The following FBXL13 variants were observed in gnomAD, a reference collection of about 807,000 sequenced individuals.
FBXL13 encodes F-box and leucine-rich repeat protein 13.
Under a neutral mutation model 83.6 loss-of-function variants are expected in FBXL13, and 67 were observed. The ratio of observed to expected loss-of-function variants is 0.80; its 90% CI spans 0.66 to 0.98. The LOEUF (loss-of-function observed/expected upper bound fraction) is 0.98. FBXL13 is among the 50% of genes least tolerant of loss of function. The pLI is 0.00. For synonymous variants in FBXL13, 272 were observed against 299.5 expected (o/e 0.91, Z 0.95); for missense variants, 822 against 866.5 (o/e 0.95, Z 0.64).
intron 8 of FBXL13, among the ~76,000 whole-genome samples, chr7:102,958,384 TG>T (rs1824632634): frequency 7.1e-6 from 1 of 140,912 alleles, no homozygotes; most frequent in African/African-American, 2.7e-5. Flanking sequence ...TGGGGTCTGT[TG>T]GGGGTGGTGG....
intron 11 of FBXL13, among the ~76,000 whole-genome samples, chr7:102,886,624 C>A (rs1350987518): frequency 2.0e-5 from 3 of 152,036 alleles, no homozygotes; most frequent in African/African-American, 7.2e-5. Context: ...AAATGAATCC[C>A]CTGTATACAG....
intron 11 of FBXL13, among the ~76,000 whole-genome samples, chr7:102,888,095 G>T (rs1811036313): frequency 6.6e-6 from 1 of 152,204 alleles, no homozygotes; most frequent in African/African-American, 2.4e-5. Context: ...TGCAATCCGT[G>T]TGTGCCTTAC....
intron 10 of FBXL13, among the ~76,000 whole-genome samples, chr7:102,916,797 G>C (rs1371901065): frequency 2.0e-5 from 3 of 150,938 alleles, no homozygotes; most frequent in South Asian, 2.1e-4. Flanking sequence ...CTTATGGGGG[G>C]GGGTGTGAGT....
intron 6 of FBXL13, among the ~76,000 whole-genome samples, chr7:102,979,976 A>G (rs1271676057): frequency 6.6e-6 from 1 of 152,206 alleles, no homozygotes; most frequent in Non-Finnish European, 1.5e-5. Context: ...GTTTTATAAG[A>G]CCATTCTATC....
chr7:103,039,582 T>C (rs1305652896), intron 2 of FBXL13, among the ~76,000 whole-genome samples: 4 of 151,792 alleles, frequency 2.6e-5, no homozygotes, highest in Non-Finnish European at 4.4e-5. Flanking sequence ...GAGAGAAAGA[T>C]TGGGTTACCC....
At chr7:103,057,134 AC>A (rs1390347047) in intron 1 of FBXL13, among the ~76,000 whole-genome samples, 1 of 152,178 alleles carries the variant, frequency 6.6e-6, no homozygotes, top group Non-Finnish European at 1.5e-5. Context: ...TTTTTCTTAT[AC>A]AGTTAAAAAG....
intron 11 of FBXL13, 157 bp downstream of exon 12, chr7:102,912,928 TG>T: frequency 2.1e-6 from 2 of 933,112 alleles, no homozygotes; most frequent in Non-Finnish European, 3.1e-6. Context: ...ATAGCGATCC[TG>T]GGGAAAATTT....
Position 103,055,105 on chromosome 7 carries a change from C to A in FBXL13, c.-1+539G>T, listed in dbSNP as rs952525463. On this transcript the variant is annotated intron_variant, in intron 2 of 19. Transcript: ENST00000313221. ...ATAATTACCAGCTGATCATCCAATTCAAAAAGTTGTTCCAGGTAAGTTTCA... is the reference window on the plus strand; with the variant it reads ...ATAATTACCAGCTGATCATCCAATTAAAAAAGTTGTTCCAGGTAAGTTTCA... 4.7e-6 allele frequency: 6 copies of A among 1,287,456 alleles called. No individual in the cohort carries two copies. The African/African-American group carries it at 7.6e-5, about 16-fold the overall frequency. 79.8% of individuals were successfully genotyped at this position (1,287,456 alleles called of 1,614,324 possible). A position where few individuals can be genotyped will look rare whatever the true frequency, so the allele number is the denominator to read the frequency against.
At chr7:103,051,102 A>T (rs1352413121) in intron 2 of FBXL13, among the ~76,000 whole-genome samples, 1 of 152,144 alleles carries the variant, frequency 6.6e-6, no homozygotes, top group Non-Finnish European at 1.5e-5. Flanking sequence ...GAAATTAAGG[A>T]TCTCATTTTT....
At chr7:102,880,276 A>G (rs1371766976) in intron 14 of FBXL13, among the ~76,000 whole-genome samples, 1 of 152,136 alleles carries the variant, frequency 6.6e-6, no homozygotes, top group Non-Finnish European at 1.5e-5. Flanking sequence ...TTTAGGTTTA[A>G]CTCTTATATG....
chr7:102,836,607 G>T (rs143088952), intron 17 of FBXL13, among the ~76,000 whole-genome samples: 130 of 152,290 alleles, frequency 8.5e-4, no homozygotes, highest in African/African-American at 2.6e-3. Context: ...ATCAAGTTTG[G>T]CTCCTTTCCC....
intron 1 of FBXL13, among the ~76,000 whole-genome samples, chr7:103,057,178 T>A (rs981460967): frequency 2.0e-5 from 3 of 152,190 alleles, no homozygotes; most frequent in Non-Finnish European, 4.4e-5. Flanking sequence ...AGTAAATGTG[T>A]TTTTACATAC....
intron 10 of FBXL13, among the ~76,000 whole-genome samples, chr7:102,923,545 G>A (rs762810616): frequency 2.6e-5 from 4 of 152,196 alleles, no homozygotes; most frequent in South Asian, 2.1e-4. Flanking sequence ...TTTTAAGGCC[G>A]GGCGCGGTGG....
chr7:102,968,125 CA>C lies in FBXL13; in HGVS notation c.496-9del, dbSNP rs761449040. On this transcript the variant is annotated splice_polypyrimidine_tract_variant and intron_variant, in intron 6 of 19. Transcript: ENST00000313221. ...ACTGAGGTAGAAGAAAATCTAAACA[CA>C]AAGAAAAATACACAACTTTGAAAAA... 1 of 1,586,554 alleles carries C rather than the reference CA, an allele frequency of 6.3e-7. No homozygotes were observed. The highest frequency in any genetic ancestry group is 1.3e-5 in the African/African-American group (1 of 74,378).
intron 11 of FBXL13, among the ~76,000 whole-genome samples, chr7:102,907,231 C>T (rs1299600540): frequency 6.6e-6 from 1 of 152,186 alleles, no homozygotes; most frequent in Admixed American, 6.5e-5. Context: ...ATCTCTTTGT[C>T]TACCTCCTCC....
At chr7:102,878,950 A>G (rs1449889434) in intron 14 of FBXL13, among the ~76,000 whole-genome samples, 4 of 152,242 alleles carry the variant, frequency 2.6e-5, no homozygotes, top group Non-Finnish European at 5.9e-5. Flanking sequence ...TGATGCTGGA[A>G]GAAGACCTTG....
intron 17 of FBXL13, among the ~76,000 whole-genome samples, chr7:102,844,978 G>T (rs765244764): frequency 6.6e-6 from 1 of 152,072 alleles, no homozygotes; most frequent in Non-Finnish European, 1.5e-5. Flanking sequence ...AGGTGTAGAG[G>T]TCCTGAGTGC....
exon 1 of FBXL13, chr7:103,074,339 C>T (rs1799407200): frequency 1.9e-6 from 2 of 1,027,366 alleles, no homozygotes; most frequent in South Asian, 3.6e-5. Context: ...TGATTTTCCT[C>T]CTCAGGCTCT....
At chr7:102,884,995 A>T (rs948992818) in intron 11 of FBXL13, among the ~76,000 whole-genome samples, 2 of 152,254 alleles carry the variant, frequency 1.3e-5, no homozygotes, top group African/African-American at 2.4e-5. Context: ...TGACTGAATA[A>T]TATCCTATTC....
Sources: allele counts gnomAD v4.1 joint callset (sites outside exome capture counted in the v4.1 genomes callset), GRCh38; gene constraint gnomAD v4.1.1; transcripts MANE v1.5; gene names NCBI Gene and HGNC (gene_info 2026-07-23, HGNC 2026-07-21).